CDK6: variants seen among roughly 807,000 people sequenced by gnomAD.
The protein encoded by CDK6 is cyclin-dependent kinase 6.
In CDK6, 6 loss-of-function variants were observed where a neutral mutation model predicts 37.1. That is an observed-to-expected ratio of 0.16 (90% CI 0.09 to 0.32). The LOEUF is 0.32. CDK6 is among the 10% of genes least tolerant of loss of function. CDK6 has a pLI of 1.00. For synonymous variants in CDK6, 160 were observed against 161.3 expected, an observed-to-expected ratio of 0.99 and a Z score of 0.06; for missense variants, 224 against 418.9, an observed-to-expected ratio of 0.53 and a Z score of 4.06.
chr7:92,620,704 TCAAGACCAGCCTGGG>T (rs1424702736), intron 6 of CDK6, among the ~76,000 whole-genome samples: 3 of 152,038 alleles, frequency 2.0e-5, no homozygotes, highest in Admixed American at 2.0e-4. Context: ...CCCCAGGAGT[TCAAGACCAGCCTGGG>T]CAACATGGTG....
Position 92,750,841 on chromosome 7 carries a change from T to C in CDK6, c.369+23855A>G, listed in dbSNP as rs146571303. ...TCGCAATATAAAAATTTACCTGGCA[T>C]AAAGGAAGTTTTTAAAAAAAGGATT... On this transcript the variant is annotated intron_variant, in intron 3 of 7. Coordinates refer to ENST00000424848, the MANE Select transcript of CDK6 (RefSeq NM_001145306.2). 1.4e-3 allele frequency among the ~76,000 whole-genome samples: 207 copies of C among 152,270 alleles called. 2 individuals are homozygous for C. The highest frequency in any genetic ancestry group is 0.01 in the Admixed American group (159 of 15,282).
intron 7 of CDK6, among the ~76,000 whole-genome samples, chr7:92,617,286 C>T (rs751483121): frequency 3.3e-5 from 5 of 152,004 alleles, no homozygotes; most frequent in African/African-American, 4.8e-5. Context: ...TCTGGAGCAT[C>T]GATACCTTCT....
At chr7:92,681,885 C>T (rs1283436205) in intron 4 of CDK6, among the ~76,000 whole-genome samples, 6 of 152,220 alleles carry the variant, frequency 3.9e-5, no homozygotes, top group African/African-American at 1.4e-4. Flanking sequence ...CTCTGACCCA[C>T]AAATCCAACT....
chr7:92,780,183 G>C (rs1462072540), intron 2 of CDK6, among the ~76,000 whole-genome samples: 1 of 152,092 alleles, frequency 6.6e-6, no homozygotes, highest in African/African-American at 2.4e-5. Flanking sequence ...TGTTGGCCAG[G>C]CTGGCCTCGA....
chr7:92,714,360 A>G (rs1303005517), intron 4 of CDK6, among the ~76,000 whole-genome samples: 1 of 152,236 alleles, frequency 6.6e-6, no homozygotes, highest in Non-Finnish European at 1.5e-5. Context: ...AGGTCTGGAT[A>G]GCAAGATCAT....
At chr7:92,659,607 G>GAC (rs71722069) in intron 5 of CDK6, among the ~76,000 whole-genome samples, 5,492 of 145,986 alleles carry the variant, frequency 0.038, 113 homozygotes, top group African/African-American at 0.041. Context: ...AAGTAGGCAT[G>GAC]ACACACACAC....
intron 4 of CDK6, among the ~76,000 whole-genome samples, chr7:92,716,774 T>C (rs1032199771): frequency 6.6e-6 from 1 of 152,204 alleles, no homozygotes; most frequent in Admixed American, 6.5e-5. Flanking sequence ...AGTATGAATA[T>C]AACACTTGCG....
chr7:92,629,829 G>A (rs955829584), intron 5 of CDK6, among the ~76,000 whole-genome samples: 1 of 152,062 alleles, frequency 6.6e-6, no homozygotes, highest in Non-Finnish European at 1.5e-5. Flanking sequence ...TGAGATCAGG[G>A]TGCTAGCATG....
chr7:92,733,628 G>A (rs911080635), intron 3 of CDK6, among the ~76,000 whole-genome samples: 2 of 152,026 alleles, frequency 1.3e-5, no homozygotes, highest in African/African-American at 2.4e-5. Flanking sequence ...TATATTCTAT[G>A]ATTAGCAAAA....
At chr7:92,725,601 A>G (rs1466333221) in intron 4 of CDK6, 25 bp downstream of exon 4, 3 of 1,594,072 alleles carry the variant, frequency 1.9e-6, no homozygotes, top group African/African-American at 2.7e-5. Context: ...TAAGTTTAAT[A>G]AAAGGACAGC....
chr7:92,664,387 G>T (rs914079945), intron 5 of CDK6, among the ~76,000 whole-genome samples: 4 of 152,126 alleles, frequency 2.6e-5, no homozygotes, highest in Non-Finnish European at 5.9e-5. Flanking sequence ...TCATTTCCTG[G>T]ATGTCACTAG....
chr7:92,792,258 C>T (rs926115911), intron 2 of CDK6, among the ~76,000 whole-genome samples: 2 of 152,132 alleles, frequency 1.3e-5, no homozygotes, highest in Non-Finnish European at 2.9e-5. Flanking sequence ...TCCCTGCTCT[C>T]TTAGAACTTA....
intron 4 of CDK6, among the ~76,000 whole-genome samples, chr7:92,683,106 A>G (rs1345475770): frequency 2.0e-5 from 3 of 152,186 alleles, no homozygotes; most frequent in Admixed American, 1.3e-4. Flanking sequence ...ATTTGCAGAC[A>G]TTCCTTCAAC....
intron 4 of CDK6, among the ~76,000 whole-genome samples, chr7:92,672,359 T>G (rs1329699660): frequency 1.3e-5 from 2 of 151,142 alleles, no homozygotes; most frequent in African/African-American, 4.9e-5. Flanking sequence ...AAAACCCCTC[T>G]CCATGATGCT....
intron 4 of CDK6, among the ~76,000 whole-genome samples, chr7:92,704,121 C>G (rs1355885884): frequency 6.6e-6 from 1 of 152,150 alleles, no homozygotes; most frequent in East Asian, 1.9e-4. Flanking sequence ...TGACCACCCT[C>G]CCCCTCTAAA....
chr7:92,649,539 A>G (rs185001232), intron 5 of CDK6, among the ~76,000 whole-genome samples: 2 of 152,330 alleles, frequency 1.3e-5, no homozygotes, highest in Admixed American at 6.5e-5. Context: ...TAAGGCAAGG[A>G]TAACAATCAT....
intron 2 of CDK6, among the ~76,000 whole-genome samples, chr7:92,807,489 TAA>T (rs1167133010): frequency 6.6e-6 from 1 of 151,790 alleles, no homozygotes; most frequent in South Asian, 2.1e-4. Context: ...TAATTATATG[TAA>T]GTTTATATCT....
chr7:92,700,549 C>G, intron 4 of CDK6, among the ~76,000 whole-genome samples: 1 of 152,084 alleles, frequency 6.6e-6, no homozygotes, highest in East Asian at 1.9e-4. Flanking sequence ...GAATAGGGAC[C>G]CAGAAGGGAA....
chr7:92,673,713 G>T (rs924659134), intron 4 of CDK6, among the ~76,000 whole-genome samples: 3 of 151,972 alleles, frequency 2.0e-5, no homozygotes, highest in African/African-American at 7.2e-5. Context: ...CTTATCTTGT[G>T]CCACTGAATT....
Sources: gnomAD v4.1 joint callset for allele counts (sites outside exome capture counted in the v4.1 genomes callset) on GRCh38, gnomAD v4.1.1 for gene constraint, MANE v1.5 for transcripts, NCBI Gene and HGNC (gene_info 2026-07-23, HGNC 2026-07-21) for gene names.